Variants in ASPH observed in about 807,000 individuals in gnomAD.
ASPH encodes the protein aspartyl/asparaginyl beta-hydroxylase.
In ASPH, 100 loss-of-function variants were observed where a neutral mutation model predicts 118.4. The observed-to-expected ratio is 0.84, with a 90% CI of 0.72 to 1.00. ASPH has a LOEUF of 1.00. Ranked by LOEUF, ASPH falls within the 50% of genes least tolerant of loss-of-function variation. ASPH has a pLI of 0.00. For missense variants in ASPH, 920 were observed against 919.5 expected, an observed-to-expected ratio of 1.00 and a Z score of -0.01; for synonymous variants, 315 against 325.6, an observed-to-expected ratio of 0.97 and a Z score of 0.35.
At chr8:61,535,636 T>C (rs1292299166) in intron 21 of ASPH, among the ~76,000 whole-genome samples, 1 of 152,252 alleles carries the variant, frequency 6.6e-6, no homozygotes, top group Non-Finnish European at 1.5e-5. Flanking sequence ...TGCATTAGTA[T>C]ACTGTGTACT....
intron 21 of ASPH, among the ~76,000 whole-genome samples, chr8:61,528,693 G>A (rs1816436406): frequency 1.3e-5 from 2 of 152,170 alleles, no homozygotes; most frequent in African/African-American, 2.4e-5. Flanking sequence ...CTTAAGAATA[G>A]ACTATCTTTT....
In ASPH at chr8:61,618,687, C is replaced by T. The variant is rs187207376; in HGVS notation, c.976+291G>A. Among the ~76,000 whole-genome samples the T allele has an allele frequency of 5.3e-5, 8 of 152,274 alleles. No individual in the cohort carries two copies. In the East Asian group the frequency reaches 1.3e-3, roughly 26 times the overall value. The stretch of plus-strand genomic sequence containing the variant: ...GAAGTTGGTACTCTTATTATTCCTA[C>T]GTTACAGAAGAGAAAACTGAGGCAC... On this transcript the variant is annotated intron_variant, in intron 14 of 24. Transcript: ENST00000379454.
At position 61,714,539 on chromosome 8, in the gene ASPH, T is replaced by G. The variant is rs993022583; in HGVS notation, c.-168A>C. On this transcript the variant is annotated 5_prime_UTR_variant, in exon 1 of 25. Coordinates refer to ENST00000379454, the MANE Select transcript of ASPH (RefSeq NM_004318.4). ...CACCGCCTGCAGCACCTGGGAAGAC[T>G]TCACCCGCCTGCCGGCTGCGCGCGC... The G allele has an allele frequency of 2.9e-6, 3 of 1,042,632 alleles. No homozygotes were observed. In the East Asian group the frequency reaches 9.9e-5, roughly 34 times the overall value. The allele number at this position is 1,042,632 out of a possible 1,614,324, so 64.6% of individuals were successfully genotyped here.
At chr8:61,528,614 A>T (rs1586597697) in intron 21 of ASPH, among the ~76,000 whole-genome samples, 1 of 146,686 alleles carries the variant, frequency 6.8e-6, no homozygotes, top group South Asian at 2.2e-4. Context: ...GTTACTAAAA[A>T]TAGGGCACAA....
chr8:61,508,648 A>G (rs572729814), intron 24 of ASPH, among the ~76,000 whole-genome samples: 8 of 152,360 alleles, frequency 5.3e-5, no homozygotes, highest in African/African-American at 1.9e-4. Context: ...ATTTTCACGC[A>G]AAGGAATCAC....
chr8:61,562,765 A>G lies in ASPH; in HGVS notation c.1416T>C (p.Asn472=). 1.2e-6 allele frequency: 2 copies of G among 1,607,810 alleles called. No individual in the cohort carries two copies. The highest frequency in any genetic ancestry group is 1.7e-6 in the Non-Finnish European group (2 of 1,177,898). Residue 472 remains asparagine, a synonymous_variant, in exon 18 of 25, where the codon AAT becomes AAC. Coordinates refer to ENST00000379454, the MANE Select transcript of ASPH (RefSeq NM_004318.4). ...VGYLLIGDND[N]AKKVYEEVLS... ...TTACCTCTTCATAAACTTTCTTTGCATTGTCATTATCTCCTATCAAGAGGT... is the reference window on the plus strand; with the variant it reads ...TTACCTCTTCATAAACTTTCTTTGCGTTGTCATTATCTCCTATCAAGAGGT...
chr8:61,504,767 A>C (rs1429625493), intron 24 of ASPH, among the ~76,000 whole-genome samples: 2 of 152,200 alleles, frequency 1.3e-5, no homozygotes, highest in African/African-American at 4.8e-5. Context: ...GTCATTGCCA[A>C]ATGTCCAGGG....
intron 21 of ASPH, among the ~76,000 whole-genome samples, chr8:61,530,144 A>G (rs970930386): frequency 1.3e-5 from 2 of 152,224 alleles, no homozygotes; most frequent in Non-Finnish European, 2.9e-5. Context: ...GAAGGCTCAC[A>G]AACAGCAGGC....
intron 12 of ASPH, 149 bp from the exon 13 acceptor site, chr8:61,633,876 C>T (rs1227834992): frequency 5.3e-6 from 3 of 564,824 alleles, no homozygotes; most frequent in South Asian, 2.8e-5. Flanking sequence ...GCTTCTATAC[C>T]CTCACAACAA....
At chr8:61,582,585 CTT>C (rs1837914910) in intron 15 of ASPH, among the ~76,000 whole-genome samples, 1 of 152,242 alleles carries the variant, frequency 6.6e-6, no homozygotes, top group South Asian at 2.1e-4. Context: ...TGAACAATGA[CTT>C]TGCTGCAATA....
chr8:61,638,360 A>G lies in ASPH; in HGVS notation c.794T>C (p.Val265Ala). Reference sequence around the variant, plus strand: ...CCCTTCATTTTCTAGAGGTTCATATACTGCTAAAAAAAAAAAAACAGAAAC... The same window carrying G: ...CCCTTCATTTTCTAGAGGTTCATATGCTGCTAAAAAAAAAAAAACAGAAAC... ...VTYQVYEEQA[V>A]YEPLENEGIE... The change falls in exon 11 of 25, where the codon GTA (valine) becomes GCA (alanine). Residue 265 changes from valine to alanine, a missense_variant. Val to Ala is a moderately conservative substitution (Grantham distance 64). Coordinates refer to ENST00000379454, the MANE Select transcript of ASPH (RefSeq NM_004318.4). 6.4e-7 allele frequency: 1 copy of G among 1,571,724 alleles called. No individual in the cohort carries two copies.
chr8:61,657,032 G>A (rs772600143), intron 3 of ASPH: 3 of 151,888 alleles, frequency 2.0e-5, no homozygotes, highest in Admixed American at 6.6e-5. Flanking sequence ...CCTACCTTCC[G>A]GGGGAGAGAG....
intron 14 of ASPH, among the ~76,000 whole-genome samples, chr8:61,591,090 A>T (rs1033879404): frequency 6.6e-6 from 1 of 152,072 alleles, no homozygotes; most frequent in African/African-American, 2.4e-5. Flanking sequence ...TGGATTGTTA[A>T]TTTCTGAACT....
chr8:61,514,678 C>T (rs896466206), intron 24 of ASPH, among the ~76,000 whole-genome samples: 9 of 152,182 alleles, frequency 5.9e-5, no homozygotes, highest in African/African-American at 2.2e-4. Flanking sequence ...CATTGTACTC[C>T]AGCCTGGGCG....
rs10113272 is a variant in ASPH, at chr8:61,548,327, A to G, written c.1627-119T>C. On this transcript the variant is annotated intron_variant, in intron 20 of 24. Transcript: ENST00000379454. ...TTTGACACATTTAAATAAAGAGCTTACTGCTAGGTACTCAAATCTGTTGAA... is the reference window on the plus strand; with the variant it reads ...TTTGACACATTTAAATAAAGAGCTTGCTGCTAGGTACTCAAATCTGTTGAA... 932,279 of 1,214,164 alleles carry G rather than the reference A, an allele frequency of 0.77. 367,591 individuals are homozygous for G. The highest frequency in any genetic ancestry group is 0.82 in the Non-Finnish European group (739,811 of 907,292). The allele number at this position is 1,214,164 out of a possible 1,614,324, so 75.2% of individuals were successfully genotyped here.
chr8:61,550,440 C>CGT (rs1825531493), intron 20 of ASPH, among the ~76,000 whole-genome samples: 1 of 87,412 alleles, frequency 1.1e-5, no homozygotes, highest in South Asian at 5.4e-4. Context: ...TGCACATGTA[C>CGT]ATACACACAC....
intron 16 of ASPH, among the ~76,000 whole-genome samples, chr8:61,572,574 G>A (rs1587399383): frequency 2.6e-5 from 4 of 152,116 alleles, no homozygotes; most frequent in Non-Finnish European, 2.9e-5. Context: ...GGTCAGCCTT[G>A]AGTCCTCTTC....
intron 13 of ASPH, among the ~76,000 whole-genome samples, chr8:61,626,498 C>T (rs908549748): frequency 3.3e-5 from 5 of 151,868 alleles, no homozygotes; most frequent in African/African-American, 1.2e-4. Flanking sequence ...CAGGTTCTTT[C>T]GAGCACTTGA....
At chr8:61,642,865 A>C in intron 10 of ASPH, 23 bp downstream of exon 10, 1 of 1,533,812 alleles carries the variant, frequency 6.5e-7, no homozygotes, top group Non-Finnish European at 8.7e-7. Flanking sequence ...AAGAAAAAAA[A>C]AAAAAAGAAA....
Sources: gnomAD v4.1 joint callset for allele counts (sites outside exome capture counted in the v4.1 genomes callset) on GRCh38, gnomAD v4.1.1 for gene constraint, MANE v1.5 for transcripts, NCBI Gene and HGNC (gene_info 2026-07-23, HGNC 2026-07-21) for gene names.